Variants in ARHGAP24 observed in about 807,000 individuals in gnomAD.
ARHGAP24 encodes rho GTPase-activating protein 24.
In ARHGAP24, 50 loss-of-function variants were observed where a neutral mutation model predicts 76.4. That is an observed-to-expected ratio of 0.65 (90% CI 0.52 to 0.83). The LOEUF (loss-of-function observed/expected upper bound fraction) is 0.83, where lower values mean the gene tolerates loss of function less well. ARHGAP24 is among the 40% of genes least tolerant of loss of function. The pLI is 0.00. For synonymous variants in ARHGAP24, 345 were observed against 323.3 expected (o/e 1.07, Z -0.72); for missense variants, 930 against 914.2 (o/e 1.02, Z -0.22).
chr4:85,973,833 G>GTTTTTTTGTTTTTTTTTTTTTT, intron 6 of ARHGAP24, among the ~76,000 whole-genome samples: 1 of 42,824 alleles, frequency 2.3e-5, no homozygotes, highest in African/African-American at 1.0e-4. Context: ...GCTGCCTATT[G>GTTTTTTTGTTTTTTTTTTTTTT]TTTTTTTTTT....
At chr4:85,854,408 A>G (rs566274914) in intron 3 of ARHGAP24, among the ~76,000 whole-genome samples, 2 of 152,304 alleles carry the variant, frequency 1.3e-5, no homozygotes, top group South Asian at 2.1e-4. Flanking sequence ...ACAGAAATAA[A>G]ATGATAATGA....
At position 86,001,172 on chromosome 4, in the gene ARHGAP24, C is replaced by CA; in HGVS notation, c.*455dup. On this transcript the variant is annotated 3_prime_UTR_variant, in exon 10 of 10. Transcript: ENST00000395184. The stretch of plus-strand genomic sequence containing the variant: ...TTTTTGCTGAGGAAATGAAGATAAG[C>CA]AAAAATATAAATATATATATAAATA... 1 of 392,836 alleles carries CA rather than the reference C, an allele frequency of 2.5e-6. No individual in the cohort carries two copies. The highest frequency in any genetic ancestry group is 4.5e-6 in the Non-Finnish European group (1 of 223,554). 24.3% of individuals were successfully genotyped at this position (392,836 alleles called of 1,614,324 possible).
intron 3 of ARHGAP24, among the ~76,000 whole-genome samples, chr4:85,725,023 G>A (rs990292385): frequency 6.6e-6 from 1 of 152,144 alleles, no homozygotes; most frequent in African/African-American, 2.4e-5. Flanking sequence ...AGAACATGCA[G>A]TTGGTTTCTG....
chr4:85,554,654 T>C (rs1254575887), intron 1 of ARHGAP24, among the ~76,000 whole-genome samples: 1 of 151,976 alleles, frequency 6.6e-6, no homozygotes, highest in Non-Finnish European at 1.5e-5. Context: ...GTTCTTTTTA[T>C]TTTTATTATT....
chr4:85,723,761 T>A (rs1725047991), intron 3 of ARHGAP24: 1 of 152,184 alleles, frequency 6.6e-6, no homozygotes, highest in Non-Finnish European at 1.5e-5. Context: ...GACAAAGCAC[T>A]ACATTGAGAA....
rs144990542 is a variant in ARHGAP24, at chr4:85,654,834, T to A, written c.181-67051T>A. On this transcript the variant is annotated intron_variant, in intron 2 of 9. Coordinates refer to ENST00000395184, the MANE Select transcript of ARHGAP24 (RefSeq NM_001025616.3). ...CATATTATATAACATGATATAAATG[T>A]GTACATGTGTATGTGTGTACTTTGT... is the stretch of plus-strand genomic sequence containing the variant. Among the ~76,000 whole-genome samples the A allele has an allele frequency of 9.8e-5, 15 of 152,302 alleles. No homozygotes were observed. The East Asian group carries it at 2.9e-3, about 29-fold the overall frequency.
At chr4:85,885,419 A>G (rs1161517410) in intron 3 of ARHGAP24, among the ~76,000 whole-genome samples, 1 of 152,106 alleles carries the variant, frequency 6.6e-6, no homozygotes, top group Non-Finnish European at 1.5e-5. Flanking sequence ...TTATCTATAG[A>G]AACTCACGAA....
intron 1 of ARHGAP24, among the ~76,000 whole-genome samples, chr4:85,504,653 TG>T (rs764738789): frequency 4.6e-5 from 7 of 152,220 alleles, no homozygotes; most frequent in Non-Finnish European, 8.8e-5. Flanking sequence ...AGCACACTGA[TG>T]GGTCTTGACT....
At chr4:85,600,632 T>A (rs1227776140) in intron 2 of ARHGAP24, among the ~76,000 whole-genome samples, 1 of 152,186 alleles carries the variant, frequency 6.6e-6, no homozygotes, top group Admixed American at 6.5e-5. Context: ...ATATTTTAGA[T>A]CACACATGGC....
At chr4:85,478,537 A>G (rs1040346395) in intron 1 of ARHGAP24, among the ~76,000 whole-genome samples, 1 of 152,276 alleles carries the variant, frequency 6.6e-6, no homozygotes, top group Non-Finnish European at 1.5e-5. Flanking sequence ...CCACTGTGGC[A>G]TTGCTACAGT....
chr4:85,594,249 A>AT (rs796876570), intron 2 of ARHGAP24, among the ~76,000 whole-genome samples: 9 of 151,284 alleles, frequency 5.9e-5, no homozygotes, highest in African/African-American at 1.9e-4. Flanking sequence ...TCTTTTTCTG[A>AT]TTTTTCACTA....
chr4:85,745,612 A>G (rs116289619), intron 3 of ARHGAP24, among the ~76,000 whole-genome samples: 1,642 of 150,958 alleles, frequency 0.011, 31 homozygotes, highest in African/African-American at 0.038. Flanking sequence ...AAACTATAAG[A>G]AAATAAAATC....
intron 3 of ARHGAP24, among the ~76,000 whole-genome samples, chr4:85,859,949 A>G (rs1731796053): frequency 6.6e-6 from 1 of 151,930 alleles, no homozygotes; most frequent in Admixed American, 6.6e-5. Context: ...AAATTCAAGC[A>G]TTTTTCCTGA....
intron 2 of ARHGAP24, among the ~76,000 whole-genome samples, chr4:85,690,250 T>C (rs1050136999): frequency 7.0e-6 from 1 of 142,478 alleles, no homozygotes; most frequent in African/African-American, 2.6e-5. Flanking sequence ...GAGATATTTA[T>C]CAGAAATAAA....
chr4:85,781,168 T>C (rs1450905792), intron 3 of ARHGAP24, among the ~76,000 whole-genome samples: 2 of 152,258 alleles, frequency 1.3e-5, no homozygotes, highest in African/African-American at 4.8e-5. Context: ...AGATTTATTT[T>C]CTCAGTGATT....
At chr4:85,998,059 A>T (rs542830246) in intron 9 of ARHGAP24, among the ~76,000 whole-genome samples, 1 of 152,308 alleles carries the variant, frequency 6.6e-6, no homozygotes, top group South Asian at 2.1e-4. Flanking sequence ...TTATTACTGG[A>T]TTGGGATTCT....
At chr4:85,716,164 C>G (rs544162133) in intron 2 of ARHGAP24, among the ~76,000 whole-genome samples, 31 of 152,036 alleles carry the variant, frequency 2.0e-4, no homozygotes, top group Middle Eastern at 3.4e-3. Flanking sequence ...ATCCAAATTC[C>G]AAAGAATAAG....
At position 85,942,232 on chromosome 4, in the gene ARHGAP24, C is replaced by T. The variant is rs759148343; in HGVS notation, c.558C>T (p.Leu186=). Residue 186 remains leucine, a synonymous_variant, in exon 5 of 10, where the codon CTC becomes CTT. Transcript: ENST00000395184. ...GCCAGGCTAATCTTGTTAAGGAGCT[C>T]CAAGATGCCTTTGACTGTGGGGAGA... is the stretch of plus-strand genomic sequence containing the variant. ...LPGQANLVKE[L]QDAFDCGEKP... is the part of the protein sequence containing the mutation. 10 of 1,613,864 alleles carry T rather than the reference C, an allele frequency of 6.2e-6. 1 individual carries two copies. The South Asian group carries it at 9.9e-5, about 16-fold the overall frequency.
chr4:85,805,149 C>T (rs534173834), intron 3 of ARHGAP24, among the ~76,000 whole-genome samples: 53 of 152,122 alleles, frequency 3.5e-4, no homozygotes, highest in Non-Finnish European at 6.6e-4. Flanking sequence ...AAAAATATAT[C>T]ATCTTGATAC....
Sources: gnomAD v4.1 joint callset for allele counts (sites outside exome capture counted in the v4.1 genomes callset) on GRCh38, gnomAD v4.1.1 for gene constraint, MANE v1.5 for transcripts, NCBI Gene and HGNC (gene_info 2026-07-23, HGNC 2026-07-21) for gene names.